Variants in OPCML observed in about 807,000 individuals in gnomAD.
The protein encoded by OPCML is opioid binding protein/cell adhesion molecule like, also known as opioid-binding protein/cell adhesion molecule.
A neutral mutation model predicts 37.8 loss-of-function variants in OPCML; 13 were observed. The ratio of observed to expected loss-of-function variants is 0.34; its 90% confidence interval spans 0.22 to 0.55. The LOEUF is 0.55. OPCML is among the 20% of genes least tolerant of loss of function. The probability of loss-of-function intolerance (pLI) is 0.91; values close to 1 mark genes in which losing one functional copy is unlikely to be tolerated. For missense variants in OPCML, 341 were observed against 435.6 expected (o/e 0.78, Z 1.93); for synonymous variants, 176 against 168.8 (o/e 1.04, Z -0.33).
At chr11:133,158,772 A>ATAAAAT (rs1565478783) in intron 1 of OPCML, among the ~76,000 whole-genome samples, 19 of 149,576 alleles carry the variant, frequency 1.3e-4, no homozygotes, top group African/African-American at 4.8e-4. Flanking sequence ...ATTAAAAAAA[A>ATAAAAT]TTTCTAGGAG....
intron 1 of OPCML, among the ~76,000 whole-genome samples, chr11:133,168,453 A>G (rs1950244143): frequency 6.6e-6 from 1 of 152,210 alleles, no homozygotes; most frequent in Non-Finnish European, 1.5e-5. Context: ...TTGTGGCCCA[A>G]TGTTCAATGG....
At chr11:132,845,440 C>A (rs1339505756) in intron 2 of OPCML, among the ~76,000 whole-genome samples, 1 of 152,182 alleles carries the variant, frequency 6.6e-6, no homozygotes, top group Non-Finnish European at 1.5e-5. Flanking sequence ...TCTGTGGAAT[C>A]ATTTCAAACT....
At chr11:133,023,390 C>G (rs76367059) in intron 1 of OPCML, among the ~76,000 whole-genome samples, 20,099 of 152,042 alleles carry the variant, frequency 0.13, 1,795 homozygotes, top group East Asian at 0.3. Flanking sequence ...AAGCACTTCA[C>G]GATGCTCGGG....
At chr11:133,391,379 G>A (rs907423284) in intron 1 of OPCML, among the ~76,000 whole-genome samples, 1 of 152,098 alleles carries the variant, frequency 6.6e-6, no homozygotes, top group African/African-American at 2.4e-5. Flanking sequence ...TTACTAACCC[G>A]TGCAGACCGA....
At chr11:132,705,152 G>A (rs1943981222) in intron 2 of OPCML, among the ~76,000 whole-genome samples, 1 of 152,190 alleles carries the variant, frequency 6.6e-6, no homozygotes, top group Non-Finnish European at 1.5e-5. Flanking sequence ...AATATCTATT[G>A]AAATGTAATC....
chr11:132,937,936 T>C (rs569710061), intron 2 of OPCML, among the ~76,000 whole-genome samples: 1 of 151,972 alleles, frequency 6.6e-6, no homozygotes, highest in East Asian at 2.0e-4. Context: ...AGACTTTGCA[T>C]AGTTTGGATC....
At chr11:132,696,427 A>G (rs1030504272) in intron 2 of OPCML, among the ~76,000 whole-genome samples, 3 of 152,212 alleles carry the variant, frequency 2.0e-5, no homozygotes, top group African/African-American at 7.2e-5. Context: ...CTGGTCTCAG[A>G]AGAAACAGGG....
chr11:133,474,742 C>T (rs1024418781), intron 1 of OPCML, among the ~76,000 whole-genome samples: 4 of 152,172 alleles, frequency 2.6e-5, no homozygotes, highest in Admixed American at 6.5e-5. Context: ...GAACCTACTT[C>T]TTTCAGATTC....
intron 1 of OPCML, among the ~76,000 whole-genome samples, chr11:133,459,300 C>A (rs149791088): frequency 2.4e-3 from 365 of 151,956 alleles, no homozygotes; most frequent in Non-Finnish European, 3.8e-3. Flanking sequence ...GGAAAACAGT[C>A]ATGCAAAAAA....
intron 1 of OPCML, among the ~76,000 whole-genome samples, chr11:133,413,417 A>G (rs1046177197): frequency 1.6e-4 from 25 of 152,050 alleles, no homozygotes; most frequent in African/African-American, 5.3e-4. Context: ...AGCATGGCAC[A>G]TGTATACATA....
chr11:133,492,933 A>T (rs1411453020), intron 1 of OPCML, among the ~76,000 whole-genome samples: 3 of 152,182 alleles, frequency 2.0e-5, no homozygotes, highest in Non-Finnish European at 4.4e-5. Flanking sequence ...AGAAAGGCAC[A>T]CTGGAGAATA....
chr11:132,883,165 A>G (rs1943279668), intron 2 of OPCML, among the ~76,000 whole-genome samples: 1 of 152,304 alleles, frequency 6.6e-6, no homozygotes, highest in South Asian at 2.1e-4. Context: ...CTCATGCAAC[A>G]CGTGAATCTA....
intron 2 of OPCML, among the ~76,000 whole-genome samples, chr11:132,809,912 C>T (rs1004077042): frequency 4.6e-5 from 7 of 152,104 alleles, no homozygotes; most frequent in South Asian, 2.1e-4. Flanking sequence ...TGCAGTGGCG[C>T]GATCTCGGCT....
chr11:133,466,922 C>A (rs1308264687), intron 1 of OPCML, among the ~76,000 whole-genome samples: 5 of 152,152 alleles, frequency 3.3e-5, no homozygotes, highest in African/African-American at 1.2e-4. Flanking sequence ...CTGGCATATC[C>A]TCGGGTAGAG....
intron 2 of OPCML, among the ~76,000 whole-genome samples, chr11:132,809,068 T>C (rs1034702124): frequency 2.0e-5 from 3 of 152,132 alleles, no homozygotes; most frequent in Admixed American, 6.5e-5. Flanking sequence ...AGAAATAAGC[T>C]GTCTAGAGAT....
At chr11:132,426,624 G>T (rs2095978535) in intron 7 of OPCML, among the ~76,000 whole-genome samples, 1 of 152,136 alleles carries the variant, frequency 6.6e-6, no homozygotes, top group Admixed American at 6.5e-5. Context: ...TAGAGATGGG[G>T]TTTCACCATG....
rs146240400 is a variant in OPCML, at chr11:133,008,465, C to T, written c.62-65455G>A. 626 of 969,214 alleles carry T rather than the reference C, an allele frequency of 6.5e-4. 6 individuals carry two copies. The African/African-American group carries it at 0.01, about 16-fold the overall frequency. The allele number at this position is 969,214 out of a possible 1,614,324, so 60.0% of individuals were successfully genotyped here. On this transcript the variant is annotated intron_variant, in intron 1 of 7. Coordinates refer to ENST00000524381, the MANE Select transcript of OPCML (RefSeq NM_001012393.5). ...TTGTGGTAGATGCCATGATGCAGTC[C>T]CCAGATTCCCTTTGGGAGAGAAGAA...
At chr11:132,591,524 T>G (rs2096484421) in intron 3 of OPCML, among the ~76,000 whole-genome samples, 1 of 152,176 alleles carries the variant, frequency 6.6e-6, no homozygotes, top group Non-Finnish European at 1.5e-5. Flanking sequence ...GGCACCAGGA[T>G]CTAATGATCT....
intron 1 of OPCML, among the ~76,000 whole-genome samples, chr11:133,057,928 A>C (rs1420106929): frequency 1.3e-5 from 2 of 152,180 alleles, no homozygotes; most frequent in African/African-American, 4.8e-5. Flanking sequence ...AACCCTGTAC[A>C]TCTGTTTTCT....
Sources: gnomAD v4.1 joint callset for allele counts (sites outside exome capture counted in the v4.1 genomes callset) on GRCh38, gnomAD v4.1.1 for gene constraint, MANE v1.5 for transcripts, NCBI Gene and HGNC (gene_info 2026-07-23, HGNC 2026-07-21) for gene names.